Variants in FBXL5 observed in about 807,000 individuals in gnomAD.
The protein encoded by FBXL5 is F-box/LRR-repeat protein 5.
FBXL5 carries 26 observed loss-of-function variants against 78.3 expected under a neutral mutation model. The ratio of observed to expected loss-of-function variants is 0.33; its 90% CI spans 0.24 to 0.46. The LOEUF (loss-of-function observed/expected upper bound fraction) is 0.46. Among genes scored for constraint, FBXL5 ranks in the 20% least tolerant of loss-of-function variants. FBXL5 has a pLI of 1.00. For missense variants in FBXL5, 710 were observed against 829.2 expected (o/e 0.86, Z 1.77); for synonymous variants, 295 against 282.5 (o/e 1.04, Z -0.45).
At chr4:15,673,211 A>G (rs1717836669) in intron 1 of FBXL5, among the ~76,000 whole-genome samples, 1 of 152,158 alleles carries the variant, frequency 6.6e-6, no homozygotes, top group South Asian at 2.1e-4. Context: ...AGGCCGAGGT[A>G]GCTGGATCGC....
At chr4:15,644,392 A>T (rs919143208) in intron 2 of FBXL5, 101 bp downstream of exon 2, 1 of 953,128 alleles carries the variant, frequency 1.0e-6, no homozygotes, top group Non-Finnish European at 1.6e-6. Context: ...AATTTTTTTC[A>T]ACATTACATC....
At chr4:15,645,877 C>G (rs1296941954) in intron 1 of FBXL5, among the ~76,000 whole-genome samples, 2 of 152,096 alleles carry the variant, frequency 1.3e-5, no homozygotes, top group Non-Finnish European at 2.9e-5. Flanking sequence ...ATTTTTTACT[C>G]TATACAAATA....
intron 1 of FBXL5, among the ~76,000 whole-genome samples, chr4:15,674,736 G>A (rs1402774261): frequency 1.3e-5 from 2 of 150,834 alleles, no homozygotes; most frequent in Non-Finnish European, 2.9e-5. Context: ...TGCAAGCTCC[G>A]CCTCCCACGT....
At chr4:15,619,754 G>A (rs1712290901) in intron 9 of FBXL5, among the ~76,000 whole-genome samples, 1 of 152,194 alleles carries the variant, frequency 6.6e-6, no homozygotes, top group Non-Finnish European at 1.5e-5. Flanking sequence ...AGGCTTAGGT[G>A]GGAGGATCCT....
At chr4:15,637,225 TCA>T (rs1234059665) in intron 4 of FBXL5, among the ~76,000 whole-genome samples, 1 of 152,220 alleles carries the variant, frequency 6.6e-6, no homozygotes, top group Non-Finnish European at 1.5e-5. Context: ...TTAAACTACT[TCA>T]GTTATTTATG....
chr4:15,637,506 C>T (rs1714406072), intron 4 of FBXL5, among the ~76,000 whole-genome samples: 1 of 152,144 alleles, frequency 6.6e-6, no homozygotes, highest in Admixed American at 6.5e-5. Flanking sequence ...GCTATGATCA[C>T]ATTCTTTAAA....
chr4:15,680,719 A>T (rs1344620428), intron 1 of FBXL5, among the ~76,000 whole-genome samples: 3 of 152,058 alleles, frequency 2.0e-5, no homozygotes, highest in East Asian at 1.9e-4. Context: ...AAAAATTTTT[A>T]AAAATTTGAC....
chr4:15,656,949 C>A (rs921553741), upstream of FBXL5, among the ~76,000 whole-genome samples: 2 of 149,986 alleles, frequency 1.3e-5, no homozygotes, highest in Admixed American at 1.3e-4. Context: ...TCTGACAGTA[C>A]CCCCAGAGTC....
In FBXL5 at chr4:15,625,435, G is replaced by C. The variant is rs773103823; in HGVS notation, c.1667C>G (p.Ala556Gly). The change falls in exon 9 of 11, where the codon GCT becomes GGT. Residue 556 changes from alanine (A) to glycine (G), a missense_variant. Coordinates refer to ENST00000341285, the MANE Select transcript of FBXL5 (RefSeq NM_012161.4). ...CGHSFCCTGT[A>G]LRTMSSLPES... is the part of the protein sequence containing the mutation. ...TGGGAGTGATGACATAGTTCTTAAA[G>C]CTGTTCCTGTACAACAAAATGAGTG... 1 of 1,614,062 alleles carries C rather than the reference G, an allele frequency of 6.2e-7. No homozygotes were observed. The highest frequency in any genetic ancestry group is 8.5e-7 in the Non-Finnish European group (1 of 1,179,982).
At chr4:15,655,864 G>A (rs1716875807), upstream of FBXL5, among the ~76,000 whole-genome samples, 1 of 152,208 alleles carries the variant, frequency 6.6e-6, no homozygotes, top group African/African-American at 2.4e-5. Flanking sequence ...GACCACCCCG[G>A]CCGCCACTCA....
At chr4:15,654,241 G>A (rs749502624) in intron 1 of FBXL5, among the ~76,000 whole-genome samples, 78 of 152,204 alleles carry the variant, frequency 5.1e-4, no homozygotes, top group Non-Finnish European at 9.1e-4. Flanking sequence ...GTAGTCATTT[G>A]AATGCTTTAT....
intron 1 of FBXL5, among the ~76,000 whole-genome samples, chr4:15,647,848 CAG>C (rs1369123501): frequency 6.6e-6 from 1 of 152,152 alleles, no homozygotes; most frequent in African/African-American, 2.4e-5. Context: ...AACTACTTCA[CAG>C]AGTTCTTGTG....
chr4:15,673,714 G>C (rs1717856051), intron 1 of FBXL5, among the ~76,000 whole-genome samples: 1 of 152,190 alleles, frequency 6.6e-6, no homozygotes, highest in Admixed American at 6.5e-5. Flanking sequence ...AGAATCAGGA[G>C]AGATTCATTC....
intron 2 of FBXL5, among the ~76,000 whole-genome samples, chr4:15,643,809 C>T (rs1242608474): frequency 2.0e-5 from 3 of 152,308 alleles, no homozygotes; most frequent in African/African-American, 2.4e-5. Flanking sequence ...AACTGGATAG[C>T]TTTCCTTTAA....
chr4:15,638,794 C>CAT, intron 3 of FBXL5, 100 bp from the exon 4 acceptor site: 1 of 684,406 alleles, frequency 1.5e-6, no homozygotes, highest in Non-Finnish European at 2.3e-6. Flanking sequence ...GTATTATGAC[C>CAT]ATATATCTCA....
upstream of FBXL5, chr4:15,659,836 G>T: frequency 1.7e-6 from 1 of 579,006 alleles, no homozygotes; most frequent in Non-Finnish European, 2.2e-6. Flanking sequence ...ATGGTTCCAT[G>T]TGTATGGCCT....
chr4:15,626,262 G>T (rs946400185), intron 8 of FBXL5, among the ~76,000 whole-genome samples: 2 of 152,210 alleles, frequency 1.3e-5, no homozygotes, highest in Admixed American at 6.5e-5. Flanking sequence ...GTAGTCAGCA[G>T]AAGTAAGGCT....
At chr4:15,674,274 T>C (rs1717884125) in intron 1 of FBXL5, among the ~76,000 whole-genome samples, 1 of 151,916 alleles carries the variant, frequency 6.6e-6, no homozygotes, top group Non-Finnish European at 1.5e-5. Flanking sequence ...GGAAATAGGA[T>C]TGTTCATTGC....
chr4:15,667,137 T>C lies in FBXL5; in HGVS notation c.-283-7215A>G, dbSNP rs946758080. Among the ~76,000 whole-genome samples, 28 of 152,186 alleles carry C rather than the reference T, an allele frequency of 1.8e-4. 1 individual carries two copies. Among genetic ancestry groups the C allele is most frequent in the Admixed American group, 1.8e-3 (28 of 15,270 alleles). ...AAAATCACATCCCACCTTTAATGAT[T>C]TGAATCATGGGACAGTGCAAAGGGC... is the stretch of plus-strand genomic sequence containing the variant. On this transcript the variant is annotated intron_variant, in intron 1 of 4. Coordinates refer to the FBXL5 transcript ENST00000507899.
Sources: gnomAD v4.1 joint callset for allele counts (sites outside exome capture counted in the v4.1 genomes callset) on GRCh38, gnomAD v4.1.1 for gene constraint, MANE v1.5 for transcripts, NCBI Gene and HGNC (gene_info 2026-07-23, HGNC 2026-07-21) for gene names.